PLCG2: variants seen among roughly 807,000 people sequenced by gnomAD.
PLCG2 encodes phospholipase C gamma 2, also known as 1-phosphatidylinositol 4,5-bisphosphate phosphodiesterase gamma-2.
In PLCG2, 69 loss-of-function variants were observed where a neutral mutation model predicts 175.6. The ratio of observed to expected loss-of-function variants is 0.39; its 90% CI spans 0.32 to 0.48. The LOEUF (loss-of-function observed/expected upper bound fraction) is 0.48, where lower values mean the gene tolerates loss of function less well. PLCG2 is among the 20% of genes least tolerant of loss of function. PLCG2 has a pLI of 0.91. For synonymous variants in PLCG2, 827 were observed against 624.0 expected, an observed-to-expected ratio of 1.33 and a Z score of -4.85; for missense variants, 1,798 against 1,650.9, an observed-to-expected ratio of 1.09 and a Z score of -1.54.
intron 19 of PLCG2, 58 bp from the exon 20 acceptor site, chr16:81,919,426 A>G (rs984520902): frequency 7.0e-7 from 1 of 1,430,534 alleles, no homozygotes; most frequent in African/African-American, 1.4e-5. Flanking sequence ...GGGTTTGTGT[A>G]AAAATTGTTT....
At chr16:81,740,555 A>G (rs1909567744) in intron 1 of PLCG2, 1 of 151,930 alleles carries the variant, frequency 6.6e-6, no homozygotes, top group East Asian at 1.9e-4. Flanking sequence ...AGCCTGGGTG[A>G]AACCCCATCT....
intron 13 of PLCG2, among the ~76,000 whole-genome samples, 171 bp from the exon 14 acceptor site, chr16:81,900,441 C>T (rs1195348622): frequency 6.6e-6 from 1 of 152,234 alleles, no homozygotes; most frequent in Non-Finnish European, 1.5e-5. Context: ...AGACTTGTGC[C>T]TTCACACCCA....
At chr16:81,828,218 G>A (rs1301598316) in intron 2 of PLCG2, among the ~76,000 whole-genome samples, 1 of 144,926 alleles carries the variant, frequency 6.9e-6, no homozygotes, top group Non-Finnish European at 1.5e-5. Flanking sequence ...GTCTGTTCCA[G>A]ACTGTTGAGA....
chr16:81,955,888 G>A (rs1348449996), intron 31 of PLCG2, among the ~76,000 whole-genome samples: 1 of 152,042 alleles, frequency 6.6e-6, no homozygotes, highest in East Asian at 1.9e-4. Flanking sequence ...GGCTTTTTTG[G>A]GTAACAGCTT....
intron 1 of PLCG2, among the ~76,000 whole-genome samples, chr16:81,754,576 C>T (rs1476348290): frequency 1.3e-5 from 2 of 148,526 alleles, no homozygotes; most frequent in Non-Finnish European, 3.0e-5. Context: ...CAAAGCAGTG[C>T]ACAGCACTTC....
At chr16:81,900,461 C>T in intron 13 of PLCG2, 151 bp from the exon 14 acceptor site, 1 of 581,920 alleles carries the variant, frequency 1.7e-6, no homozygotes, top group South Asian at 2.7e-5. Flanking sequence ...AGGATGAGGT[C>T]CTCTCCTTCT....
In PLCG2 at chr16:81,956,799, T is replaced by C. The variant is rs560651211; in HGVS notation, c.3675T>C (p.Asn1225=). ...FLYDTHQNLR[N]ANRDALVKEF... ...ATGACACACACCAGAACTTGCGCAA[T>C]GCCAACCGGGATGCCCTGGTTAAAG... Residue 1225 remains asparagine, a synonymous_variant, in exon 32 of 33, where the codon AAT becomes AAC. Coordinates refer to ENST00000564138, the MANE Select transcript of PLCG2 (RefSeq NM_002661.5). 6 of 1,613,762 alleles carry C rather than the reference T, an allele frequency of 3.7e-6. No homozygotes were observed. The East Asian group carries it at 6.7e-5, about 18-fold the overall frequency.
chr16:81,773,065 G>C (rs1381390955), intron 2 of PLCG2, among the ~76,000 whole-genome samples: 1 of 152,140 alleles, frequency 6.6e-6, no homozygotes, highest in African/African-American at 2.4e-5. Flanking sequence ...TAAATATACT[G>C]CCAAATGTGG....
intron 24 of PLCG2, 37 bp from the exon 25 acceptor site, chr16:81,931,460 A>T (rs564750190): frequency 1.9e-6 from 3 of 1,604,356 alleles, no homozygotes; most frequent in South Asian, 2.2e-5. Context: ...GCCCTCTAAT[A>T]GGCTGATTGG....
intron 2 of PLCG2, among the ~76,000 whole-genome samples, chr16:81,805,140 G>C (rs1911935991): frequency 6.6e-6 from 1 of 152,130 alleles, no homozygotes; most frequent in South Asian, 2.1e-4. Flanking sequence ...GCCACAGATA[G>C]GGGAAAATAT....
chr16:81,940,443 G>A (rs937447381), intron 30 of PLCG2, among the ~76,000 whole-genome samples: 3 of 150,658 alleles, frequency 2.0e-5, no homozygotes, highest in African/African-American at 7.4e-5. Context: ...GCAAGGGAGA[G>A]ACCTTTGGCA....
At chr16:81,955,470 C>G (rs562171968) in intron 31 of PLCG2, among the ~76,000 whole-genome samples, 1 of 152,220 alleles carries the variant, frequency 6.6e-6, no homozygotes. Context: ...TCATCCTCCC[C>G]CTGCATTGAA....
chr16:81,822,326 C>G (rs1260291756), intron 2 of PLCG2, among the ~76,000 whole-genome samples: 1 of 152,162 alleles, frequency 6.6e-6, no homozygotes, highest in Non-Finnish European at 1.5e-5. Flanking sequence ...TGTCCATGTC[C>G]TGCTCCCCGG....
chr16:81,935,478 A>T (rs1910669489), intron 26 of PLCG2: 1 of 962,312 alleles, frequency 1.0e-6, no homozygotes, highest in African/African-American at 1.8e-5. Context: ...CTTTTTGATG[A>T]TGCTGTACGT....
At chr16:81,930,658 G>A (rs1910460139) in intron 24 of PLCG2, among the ~76,000 whole-genome samples, 1 of 150,664 alleles carries the variant, frequency 6.6e-6, no homozygotes, top group Non-Finnish European at 1.5e-5. Flanking sequence ...TGAGGTGGGA[G>A]GATCGCATGA....
intron 7 of PLCG2, among the ~76,000 whole-genome samples, chr16:81,876,560 C>G (rs112408302): frequency 1.2e-4 from 18 of 152,122 alleles, no homozygotes; most frequent in African/African-American, 4.3e-4. Context: ...TCCTGGGGCC[C>G]GACTCAGAGA....
intron 9 of PLCG2, among the ~76,000 whole-genome samples, chr16:81,885,867 C>G (rs924610705): frequency 2.6e-5 from 4 of 152,262 alleles, no homozygotes; most frequent in African/African-American, 9.6e-5. Context: ...AATCATCATG[C>G]CTTCCTAGTG....
intron 5 of PLCG2, 179 bp downstream of exon 5, chr16:81,859,342 G>A (rs545303231): frequency 1.8e-6 from 1 of 558,382 alleles, no homozygotes; most frequent in East Asian, 3.0e-5. Flanking sequence ...TCCTCCTGGA[G>A]GGAGCCTCTA....
chr16:81,769,768 C>G (rs915771994), intron 2 of PLCG2, among the ~76,000 whole-genome samples: 1 of 137,804 alleles, frequency 7.3e-6, no homozygotes, highest in Non-Finnish European at 1.5e-5. Flanking sequence ...TGCAGTGAGC[C>G]GAGATCCCGC....
Sources: allele counts gnomAD v4.1 joint callset (sites outside exome capture counted in the v4.1 genomes callset), GRCh38; gene constraint gnomAD v4.1.1; transcripts MANE v1.5; gene names NCBI Gene and HGNC (gene_info 2026-07-23, HGNC 2026-07-21).